MAGI1: variants seen among roughly 807,000 people sequenced by gnomAD.
MAGI1 encodes membrane associated guanylate kinase, WW and PDZ domain containing 1.
A neutral mutation model predicts 139.9 loss-of-function variants in MAGI1; 58 were observed. The observed-to-expected ratio is 0.41, with a 90% CI of 0.34 to 0.52. MAGI1 has a LOEUF of 0.52. MAGI1 is among the 20% of genes least tolerant of loss of function. The probability of loss-of-function intolerance (pLI) is 0.12; values close to 1 mark genes in which losing one functional copy is unlikely to be tolerated. For missense variants in MAGI1, 1,874 were observed against 1,901.6 expected, an observed-to-expected ratio of 0.99 and a Z score of 0.27; for synonymous variants, 812 against 737.9, an observed-to-expected ratio of 1.10 and a Z score of -1.63.
At chr3:65,899,448 A>C (rs1025994343) in intron 1 of MAGI1, among the ~76,000 whole-genome samples, 1 of 152,210 alleles carries the variant, frequency 6.6e-6, no homozygotes, top group African/African-American at 2.4e-5. Context: ...AACAGATCAC[A>C]GGAAGGCAGG....
At chr3:65,627,595 C>T (rs2084047760) in intron 1 of MAGI1, among the ~76,000 whole-genome samples, 1 of 141,674 alleles carries the variant, frequency 7.1e-6, no homozygotes, top group East Asian at 2.2e-4. Flanking sequence ...GCAAGTTCCG[C>T]CTCCCGGGTT....
At chr3:65,948,508 T>TA (rs1479205185) in intron 1 of MAGI1, among the ~76,000 whole-genome samples, 4 of 152,140 alleles carry the variant, frequency 2.6e-5, no homozygotes. Flanking sequence ...TAAATGAGAT[T>TA]AAAAATCACT....
At chr3:65,419,231 C>CACACACACACACACATACAT (rs145284205) in intron 12 of MAGI1, among the ~76,000 whole-genome samples, 1 of 150,778 alleles carries the variant, frequency 6.6e-6, no homozygotes, top group Admixed American at 6.6e-5. Flanking sequence ...TACACACACA[C>CACACACACACACACATACAT]ACACACACAC....
intron 1 of MAGI1, among the ~76,000 whole-genome samples, chr3:65,723,537 A>C (rs1370228197): frequency 1.5e-5 from 2 of 131,684 alleles, no homozygotes; most frequent in Non-Finnish European, 3.3e-5. Flanking sequence ...ACTCCTCAAA[A>C]TTATTCCTTT....
chr3:65,562,338 A>C (rs1263196786), intron 2 of MAGI1, among the ~76,000 whole-genome samples: 2 of 152,254 alleles, frequency 1.3e-5, no homozygotes, highest in East Asian at 3.8e-4. Context: ...TAAGTTACAG[A>C]ATGCCACTCA....
intron 1 of MAGI1, among the ~76,000 whole-genome samples, chr3:65,733,923 A>G (rs1465373738): frequency 6.6e-6 from 1 of 152,184 alleles, no homozygotes; most frequent in Non-Finnish European, 1.5e-5. Context: ...AGGGCAATGC[A>G]GGTTTGCTGT....
chr3:65,566,867 G>A (rs1474530782), intron 2 of MAGI1, among the ~76,000 whole-genome samples: 1 of 151,174 alleles, frequency 6.6e-6, no homozygotes, highest in Non-Finnish European at 1.5e-5. Context: ...AAAGTGCTGG[G>A]ATTATAGGCA....
intron 1 of MAGI1, among the ~76,000 whole-genome samples, chr3:65,869,940 C>T (rs746367325): frequency 1.7e-4 from 26 of 151,654 alleles, no homozygotes; most frequent in Non-Finnish European, 3.5e-4. Flanking sequence ...TTCAGTGCAT[C>T]TCTCCTATTC....
intron 1 of MAGI1, among the ~76,000 whole-genome samples, chr3:65,789,845 G>T (rs2039643558): frequency 6.6e-6 from 1 of 152,164 alleles, no homozygotes; most frequent in African/African-American, 2.4e-5. Context: ...TGAGCAATAT[G>T]CAATCTCAAT....
intron 1 of MAGI1, among the ~76,000 whole-genome samples, chr3:65,744,737 A>C (rs938638730): frequency 6.6e-6 from 1 of 152,044 alleles, no homozygotes; most frequent in African/African-American, 2.4e-5. Flanking sequence ...CGAAAGTATT[A>C]ACAGTGAAAT....
intron 5 of MAGI1, among the ~76,000 whole-genome samples, chr3:65,466,459 G>A (rs1373181557): frequency 1.3e-5 from 2 of 152,128 alleles, no homozygotes; most frequent in Non-Finnish European, 2.9e-5. Flanking sequence ...ACCGGAGAGG[G>A]GAATGGGCTC....
At chr3:65,936,936 ATGG>A (rs1298345355) in intron 1 of MAGI1, among the ~76,000 whole-genome samples, 2 of 147,884 alleles carry the variant, frequency 1.4e-5, no homozygotes, top group Non-Finnish European at 3.0e-5. Context: ...GGTGGTGGTG[ATGG>A]TGGTGGTGAT....
At chr3:65,896,898 C>T (rs1484807762) in intron 1 of MAGI1, among the ~76,000 whole-genome samples, 1 of 152,124 alleles carries the variant, frequency 6.6e-6, no homozygotes. Context: ...TACACCTACA[C>T]ATAATACAAC....
rs1188988610 is a variant in MAGI1, at chr3:66,002,998, C to T, written c.313+34998G>A. 2.6e-5 allele frequency among the ~76,000 whole-genome samples: 4 copies of T among 152,164 alleles called. No homozygotes were observed. In the East Asian group the frequency reaches 7.7e-4, roughly 29 times the overall value. On this transcript the variant is annotated intron_variant, in intron 1 of 22. Coordinates refer to ENST00000402939, the MANE Select transcript of MAGI1 (RefSeq NM_001033057.2). ...GAATTAACAACAACCACTACATACA[C>T]ACACATATACACAGTCCCAGGGAGT...
chr3:65,547,156 T>G (rs1443308900), intron 2 of MAGI1, among the ~76,000 whole-genome samples: 1 of 152,184 alleles, frequency 6.6e-6, no homozygotes, highest in Admixed American at 6.5e-5. Context: ...GCACCTAAAA[T>G]GTGTGCCAGG....
intron 1 of MAGI1, among the ~76,000 whole-genome samples, chr3:65,766,697 C>T (rs1458120031): frequency 6.6e-6 from 1 of 151,998 alleles, no homozygotes; most frequent in Non-Finnish European, 1.5e-5. Flanking sequence ...TGAGACTAGC[C>T]TGGCCAATCT....
chr3:65,735,957 C>G (rs2034689181), intron 1 of MAGI1, among the ~76,000 whole-genome samples: 1 of 152,138 alleles, frequency 6.6e-6, no homozygotes, highest in South Asian at 2.1e-4. Context: ...GATTAGATAG[C>G]CTGATCAAAG....
At chr3:65,470,717 AG>A (rs996770818) in intron 4 of MAGI1, among the ~76,000 whole-genome samples, 2 of 152,182 alleles carry the variant, frequency 1.3e-5, no homozygotes, top group African/African-American at 2.4e-5. Context: ...CTTAAAAAGA[AG>A]GGGGAAAAAA....
rs1398338887 is a variant in MAGI1, at chr3:65,912,228, T to G, written c.313+125768A>C. On this transcript the variant is annotated intron_variant, in intron 1 of 22. Coordinates refer to ENST00000402939, the MANE Select transcript of MAGI1 (RefSeq NM_001033057.2). The stretch of plus-strand genomic sequence containing the variant: ...CAGGTAAATGGAAAACAAAGAAAAC[T>G]CTGATCTCAAAAAAAAAAAAAAAAG... 2.3e-5 allele frequency among the ~76,000 whole-genome samples: 3 copies of G among 131,192 alleles called. No individual in the cohort carries two copies. In the East Asian group the frequency reaches 7.1e-4, roughly 31 times the overall value. The allele number at this position is 131,192 out of a possible 152,430, so 86.1% of individuals were successfully genotyped here.
Sources: allele counts gnomAD v4.1 joint callset (sites outside exome capture counted in the v4.1 genomes callset), GRCh38; gene constraint gnomAD v4.1.1; transcripts MANE v1.5; gene names NCBI Gene and HGNC (gene_info 2026-07-23, HGNC 2026-07-21).